Variants in LRIF1 observed in about 807,000 individuals in gnomAD.
The protein encoded by LRIF1 is ligand-dependent nuclear receptor-interacting factor 1.
Under a neutral mutation model 52.7 loss-of-function variants are expected in LRIF1, and 32 were observed. The ratio of observed to expected loss-of-function variants is 0.61; its 90% CI spans 0.46 to 0.82. The LOEUF is 0.82. Ranked by LOEUF, LRIF1 falls within the 40% of genes least tolerant of loss-of-function variation. The pLI is 0.00. For missense variants in LRIF1, 887 were observed against 892.0 expected (o/e 0.99, Z 0.07); for synonymous variants, 323 against 317.4 (o/e 1.02, Z -0.19).
chr1:110,933,464 A>T, the LRIF1 span, among the ~76,000 whole-genome samples: 1 of 152,086 alleles, frequency 6.6e-6, no homozygotes. Flanking sequence ...AATCACTGAC[A>T]CCACCCCTCC....
At chr1:110,894,209 G>A in the LRIF1 span, 2 of 794,530 alleles carry the variant, frequency 2.5e-6, no homozygotes, top group Non-Finnish European at 4.4e-6. Flanking sequence ...AACGGCCTGA[G>A]GAGGCAGAAC....
At chr1:110,956,422 A>G (rs999301511) in intron 1 of LRIF1, among the ~76,000 whole-genome samples, 1 of 152,228 alleles carries the variant, frequency 6.6e-6, no homozygotes, top group East Asian at 1.9e-4. Context: ...AATGAAACAG[A>G]GTCTAAACTG....
At chr1:110,898,547 C>T in the LRIF1 span, among the ~76,000 whole-genome samples, 1 of 152,012 alleles carries the variant, frequency 6.6e-6, no homozygotes, top group East Asian at 1.9e-4. Context: ...ATTTGAAAAC[C>T]TGATCTTGCA....
the LRIF1 span, among the ~76,000 whole-genome samples, chr1:110,887,704 A>C: frequency 6.6e-6 from 1 of 152,138 alleles, no homozygotes; most frequent in Admixed American, 6.5e-5. Context: ...TAGCCTGTGA[A>C]TCTTGGAGTT....
At position 110,963,853 on chromosome 1, in the gene LRIF1, G is replaced by A. The variant is rs878869193; in HGVS notation, c.-165C>T. ...AGGGCGACAGCGGGCTCTCGAGAGGGTGTATCCCCAGGCTTCGGGACGAGG... is the reference window on the plus strand; with the variant it reads ...AGGGCGACAGCGGGCTCTCGAGAGGATGTATCCCCAGGCTTCGGGACGAGG... On this transcript the variant is annotated 5_prime_UTR_variant, in exon 1 of 4. Coordinates refer to ENST00000369763, the MANE Select transcript of LRIF1 (RefSeq NM_018372.4). The A allele has an allele frequency of 8.5e-5, 45 of 529,552 alleles. 1 individual carries two copies. The highest frequency in any genetic ancestry group is 6.3e-4 in the South Asian group (27 of 42,720). The allele number at this position is 529,552 out of a possible 1,614,324, so 32.8% of individuals were successfully genotyped here. A position where few individuals can be genotyped will look rare whatever the true frequency, so the allele number is the denominator to read the frequency against.
the LRIF1 span, among the ~76,000 whole-genome samples, chr1:110,886,616 AGGTG>A: frequency 3.9e-5 from 6 of 152,008 alleles, no homozygotes; most frequent in African/African-American, 1.4e-4. Context: ...TGGGAGGCCG[AGGTG>A]GGTGGGTCAC....
chr1:110,963,510 T>C (rs996213228), intron 1 of LRIF1, 111 bp downstream of exon 1: 3 of 835,350 alleles, frequency 3.6e-6, no homozygotes, highest in Middle Eastern at 4.0e-4. Context: ...TGGCGCACTC[T>C]GCGGGCTCCA....
chr1:110,955,940 G>C (rs146541590), intron 1 of LRIF1, among the ~76,000 whole-genome samples: 3 of 152,312 alleles, frequency 2.0e-5, no homozygotes, highest in Non-Finnish European at 4.4e-5. Flanking sequence ...CAGGTGGAGG[G>C]ACTCAACCTT....
At chr1:110,944,358 G>A (rs952366133), downstream of LRIF1, 1 of 152,168 alleles carries the variant, frequency 6.6e-6, no homozygotes, top group African/African-American at 2.4e-5. Flanking sequence ...CTTGAACATA[G>A]GTTTGAGATG....
the LRIF1 span, among the ~76,000 whole-genome samples, chr1:110,885,215 T>G: frequency 3.7e-4 from 56 of 152,358 alleles, no homozygotes; most frequent in Non-Finnish European, 5.4e-4. Flanking sequence ...ATTAATGCAA[T>G]GCAATACTGT....
At chr1:110,889,451 G>C in the LRIF1 span, among the ~76,000 whole-genome samples, 4 of 151,986 alleles carry the variant, frequency 2.6e-5, no homozygotes, top group Admixed American at 2.6e-4. Flanking sequence ...CCAGCTACTC[G>C]GGAGGCTGAG....
chr1:110,929,598 T>C, the LRIF1 span, among the ~76,000 whole-genome samples: 1 of 152,226 alleles, frequency 6.6e-6, no homozygotes, highest in East Asian at 1.9e-4. Context: ...CTTTGTCTAC[T>C]TTTTAATGGG....
At chr1:110,939,002 C>T in the LRIF1 span, 1 of 151,932 alleles carries the variant, frequency 6.6e-6, no homozygotes, top group South Asian at 2.1e-4. Context: ...AAGTGAAAGA[C>T]CTCTATAATA....
chr1:110,904,678 C>A, the LRIF1 span, among the ~76,000 whole-genome samples: 1 of 152,218 alleles, frequency 6.6e-6, no homozygotes, highest in East Asian at 1.9e-4. Flanking sequence ...CAAGTACAAA[C>A]AAGCCCAGAC....
At chr1:110,875,354 A>G in the LRIF1 span, among the ~76,000 whole-genome samples, 4 of 152,178 alleles carry the variant, frequency 2.6e-5, no homozygotes, top group African/African-American at 9.7e-5. Context: ...GGGTGGGGCT[A>G]TGCCCACCAT....
the LRIF1 span, among the ~76,000 whole-genome samples, chr1:110,923,492 AT>A: frequency 3.3e-4 from 50 of 152,350 alleles, 2 homozygotes; most frequent in South Asian, 0.01. Flanking sequence ...TCTCAAAAAA[AT>A]AAAAAGATAA....
the LRIF1 span, among the ~76,000 whole-genome samples, chr1:110,904,318 G>T: frequency 6.6e-6 from 1 of 152,164 alleles, no homozygotes; most frequent in African/African-American, 2.4e-5. Flanking sequence ...GCAGGCCTTG[G>T]GCAAGACTCA....
chr1:110,909,554 CA>C, the LRIF1 span, among the ~76,000 whole-genome samples: 1 of 127,684 alleles, frequency 7.8e-6, no homozygotes, highest in African/African-American at 2.8e-5. Flanking sequence ...AAACAGAAAA[CA>C]AAAAAGGGCA....
chr1:110,958,388 A>G (rs573483951), intron 1 of LRIF1, among the ~76,000 whole-genome samples: 1 of 152,274 alleles, frequency 6.6e-6, no homozygotes, highest in South Asian at 2.1e-4. Flanking sequence ...ATGTACTCCC[A>G]TTGGTGCTAT....
Sources: gnomAD v4.1 joint callset for allele counts (sites outside exome capture counted in the v4.1 genomes callset) on GRCh38, gnomAD v4.1.1 for gene constraint, MANE v1.5 for transcripts, NCBI Gene and HGNC (gene_info 2026-07-23, HGNC 2026-07-21) for gene names.